Variants in MAD1L1 observed in about 807,000 individuals in gnomAD.
MAD1L1 encodes mitotic spindle assembly checkpoint protein MAD1.
Under a neutral mutation model 96.9 loss-of-function variants are expected in MAD1L1, and 95 were observed. That is an observed-to-expected ratio of 0.98 (90% CI 0.83 to 1.16). The LOEUF is 1.16. Among genes scored for constraint, MAD1L1 ranks in the 50% most tolerant of loss-of-function variants. The pLI, the probability that MAD1L1 is intolerant of heterozygous loss-of-function variation, is 0.00. For synonymous variants in MAD1L1, 473 were observed against 396.6 expected, an observed-to-expected ratio of 1.19 and a Z score of -2.29; for missense variants, 1,007 against 954.4, an observed-to-expected ratio of 1.06 and a Z score of -0.73.
chr7:2,038,491 CTGA>C (rs1584151465), intron 12 of MAD1L1, among the ~76,000 whole-genome samples: 1 of 132,574 alleles, frequency 7.5e-6, no homozygotes, highest in East Asian at 2.3e-4. Flanking sequence ...GATAATGAAG[CTGA>C]TGACTTTTTT....
intron 17 of MAD1L1, among the ~76,000 whole-genome samples, chr7:1,898,603 G>A (rs1562502683): frequency 2.0e-5 from 3 of 152,148 alleles, no homozygotes; most frequent in Admixed American, 6.5e-5. Context: ...ACCCTCTGGT[G>A]GTGGCAATAA....
chr7:1,943,071 C>G (rs745707073), intron 16 of MAD1L1, among the ~76,000 whole-genome samples: 9 of 152,166 alleles, frequency 5.9e-5, no homozygotes, highest in Non-Finnish European at 1.0e-4. Context: ...TGGGCTGGCG[C>G]ATGCCAAAGA....
chr7:2,054,319 G>T (rs1392177382), intron 12 of MAD1L1, among the ~76,000 whole-genome samples: 2 of 152,244 alleles, frequency 1.3e-5, no homozygotes, highest in African/African-American at 4.8e-5. Flanking sequence ...GGGCGCACGT[G>T]GAGGGCTCGG....
At chr7:1,953,691 T>G (rs997747646) in intron 16 of MAD1L1, among the ~76,000 whole-genome samples, 3 of 152,256 alleles carry the variant, frequency 2.0e-5, no homozygotes, top group Non-Finnish European at 4.4e-5. Context: ...ACATCCGTGG[T>G]GGAGCCTTGG....
intron 10 of MAD1L1, among the ~76,000 whole-genome samples, chr7:2,182,592 G>C (rs1274086866): frequency 6.6e-6 from 1 of 152,216 alleles, no homozygotes; most frequent in Non-Finnish European, 1.5e-5. Flanking sequence ...TCACTGAAAT[G>C]AGCTCTGATG....
intron 13 of MAD1L1, among the ~76,000 whole-genome samples, chr7:2,011,240 C>T (rs954780746): frequency 6.6e-6 from 1 of 152,100 alleles, no homozygotes; most frequent in Non-Finnish European, 1.5e-5. Flanking sequence ...TGGCCCTCCA[C>T]GGGGGCATCC....
intron 10 of MAD1L1, among the ~76,000 whole-genome samples, chr7:2,178,834 T>C (rs975413268): frequency 1.3e-5 from 2 of 150,540 alleles, no homozygotes; most frequent in African/African-American, 4.9e-5. Flanking sequence ...GAGACGGAGG[T>C]TGCAGTGAGC....
At chr7:1,897,706 C>A (rs1012125857) in intron 18 of MAD1L1, among the ~76,000 whole-genome samples, 2 of 152,246 alleles carry the variant, frequency 1.3e-5, no homozygotes, top group African/African-American at 4.8e-5. Flanking sequence ...TCGCAGGACG[C>A]GAGTGTAGAG....
At chr7:1,854,481 G>T in intron 18 of MAD1L1, 2 of 411,566 alleles carry the variant, frequency 4.9e-6, no homozygotes, top group East Asian at 1.5e-4. Context: ...CAGACTTGGT[G>T]TTTGGTGATG....
chr7:2,201,398 C>T (rs560890345), intron 10 of MAD1L1, among the ~76,000 whole-genome samples: 1 of 152,196 alleles, frequency 6.6e-6, no homozygotes, highest in African/African-American at 2.4e-5. Context: ...AAAGTAGGGA[C>T]GTGGACACCC....
rs924026641 is a variant in MAD1L1, at chr7:2,128,338, C to T, written c.1073+20814G>A. ...CAGGGCCATCCATGCCTAGAGTCCCCGAAATGCAGCCCTGGTGCCAGAAAG... is the reference window on the plus strand; with the variant it reads ...CAGGGCCATCCATGCCTAGAGTCCCTGAAATGCAGCCCTGGTGCCAGAAAG... On this transcript the variant is annotated intron_variant, in intron 11 of 18. Transcript: ENST00000265854. 5.9e-5 allele frequency among the ~76,000 whole-genome samples: 9 copies of T among 152,260 alleles called. No homozygotes were observed. In the South Asian group the frequency reaches 6.2e-4, roughly 11 times the overall value.
At chr7:1,847,024 A>C (rs1255404393) in intron 18 of MAD1L1, 1 of 340,234 alleles carries the variant, frequency 2.9e-6, no homozygotes, top group Non-Finnish European at 5.8e-6. Context: ...GAGACATTTC[A>C]AAACATGTTC....
chr7:2,102,791 C>T (rs1584326299), intron 11 of MAD1L1, among the ~76,000 whole-genome samples: 2 of 151,946 alleles, frequency 1.3e-5, no homozygotes, highest in Non-Finnish European at 2.9e-5. Context: ...CCATCATGGC[C>T]GTCACCGTCT....
At chr7:1,933,456 G>A (rs190831831) in intron 17 of MAD1L1, among the ~76,000 whole-genome samples, 3 of 152,260 alleles carry the variant, frequency 2.0e-5, no homozygotes, top group East Asian at 3.9e-4. Context: ...CTATCAATCC[G>A]GGCTCAGTTC....
chr7:1,954,817 G>T (rs977755074), intron 16 of MAD1L1, among the ~76,000 whole-genome samples: 1 of 152,190 alleles, frequency 6.6e-6, no homozygotes, highest in Non-Finnish European at 1.5e-5. Flanking sequence ...TGGGTGCCCC[G>T]AGCTCTCCCA....
chr7:2,002,051 C>G lies in MAD1L1; in HGVS notation c.1416+14G>C, dbSNP rs767442121. 1 of 1,613,014 alleles carries G rather than the reference C, an allele frequency of 6.2e-7. No individual in the cohort carries two copies. Among genetic ancestry groups the G allele is most frequent in the South Asian group, 1.1e-5 (1 of 91,084 alleles). ...AGGTGCCCTGAATCCCAGCCACTCCCGCGTCTGACTCACCATGTCTGCTCT... is the reference window on the plus strand; with the variant it reads ...AGGTGCCCTGAATCCCAGCCACTCCGGCGTCTGACTCACCATGTCTGCTCT... On this transcript the variant is annotated intron_variant, in intron 14 of 18. Coordinates refer to ENST00000265854, the MANE Select transcript of MAD1L1 (RefSeq NM_001013836.2).
At chr7:2,042,694 C>T (rs1783741866) in intron 12 of MAD1L1, among the ~76,000 whole-genome samples, 1 of 152,214 alleles carries the variant, frequency 6.6e-6, no homozygotes, top group Non-Finnish European at 1.5e-5. Flanking sequence ...TCTCTTGCTC[C>T]TGCTCTTGCC....
intron 10 of MAD1L1, among the ~76,000 whole-genome samples, chr7:2,167,691 C>T (rs536303319): frequency 3.3e-5 from 5 of 152,044 alleles, no homozygotes; most frequent in African/African-American, 1.2e-4. Flanking sequence ...GATCACATCA[C>T]TGCACTCCAA....
chr7:2,132,399 CCGCGTG>C (rs1788556633), intron 11 of MAD1L1, among the ~76,000 whole-genome samples: 1 of 102,810 alleles, frequency 9.7e-6, no homozygotes, highest in Non-Finnish European at 2.3e-5. Flanking sequence ...ACCATCACGG[CCGCGTG>C]CAGTCGGTTC....
Sources: allele counts gnomAD v4.1 joint callset (sites outside exome capture counted in the v4.1 genomes callset), GRCh38; gene constraint gnomAD v4.1.1; transcripts MANE v1.5; gene names NCBI Gene and HGNC (gene_info 2026-07-23, HGNC 2026-07-21).